The following HECW1 variants were observed in gnomAD, a reference collection of about 807,000 sequenced individuals.
HECW1 encodes HECT, C2 and WW domain containing E3 ubiquitin protein ligase 1.
In HECW1, 61 loss-of-function variants were observed where a neutral mutation model predicts 182.3. That is an observed-to-expected ratio of 0.33 (90% CI 0.27 to 0.41). The LOEUF (loss-of-function observed/expected upper bound fraction) is 0.41, where lower values mean the gene tolerates loss of function less well. HECW1 is among the 10% of genes least tolerant of loss of function. HECW1 has a pLI of 1.00. For missense variants in HECW1, 1,739 were observed against 2,108.9 expected (o/e 0.82, Z 3.44); for synonymous variants, 859 against 832.6 (o/e 1.03, Z -0.55).
intron 24 of HECW1, among the ~76,000 whole-genome samples, chr7:43,519,742 T>A (rs2080363841): frequency 6.6e-6 from 1 of 151,990 alleles, no homozygotes; most frequent in Non-Finnish European, 1.5e-5. Context: ...CCTTACCAGG[T>A]GATAGAGAAA....
rs1410676837 is a variant in HECW1 at position 43,114,043 on chromosome 7, T to C, written c.-266-114T>C. 3 of 405,002 alleles carry C rather than the reference T, an allele frequency of 7.4e-6. No homozygotes were observed. The Admixed American group carries it at 1.2e-4, about 16-fold the overall frequency. 25.1% of individuals were successfully genotyped at this position (405,002 alleles called of 1,614,324 possible). ...TGACACCAGAGAGCATGTGGGGATT[T>C]TCCTAGTTGCCGAAGAAGATATTAT... On this transcript the variant is annotated intron_variant, in intron 1 of 29. Transcript: ENST00000395891.
chr7:43,503,097 G>A (rs2079432296), intron 21 of HECW1, among the ~76,000 whole-genome samples: 1 of 152,164 alleles, frequency 6.6e-6, no homozygotes, highest in Non-Finnish European at 1.5e-5. Flanking sequence ...ATGTTTTCAA[G>A]ATAGTATCTC....
At chr7:43,414,348 A>AT (rs1160558739) in intron 8 of HECW1, among the ~76,000 whole-genome samples, 3 of 136,006 alleles carry the variant, frequency 2.2e-5, no homozygotes, top group Non-Finnish European at 4.7e-5. Flanking sequence ...GCTTAAGGAG[A>AT]TTTTGGGCTG....
At chr7:43,218,956 G>C (rs1316453509) in intron 2 of HECW1, among the ~76,000 whole-genome samples, 4 of 152,200 alleles carry the variant, frequency 2.6e-5, no homozygotes, top group Admixed American at 2.6e-4. Context: ...GGAGCCAAGA[G>C]AGGGAACTCA....
At chr7:43,327,835 G>A (rs116709805) in intron 5 of HECW1, among the ~76,000 whole-genome samples, 2,266 of 152,186 alleles carry the variant, frequency 0.015, 53 homozygotes, top group African/African-American at 0.049. Flanking sequence ...TATGCATCCT[G>A]TGTGCTAATG....
At chr7:43,516,639 A>G (rs2152934529) in intron 24 of HECW1, among the ~76,000 whole-genome samples, 1 of 152,334 alleles carries the variant, frequency 6.6e-6, no homozygotes, top group Middle Eastern at 3.4e-3. Context: ...CCTAGGAAGA[A>G]TACCAGCGCC....
chr7:43,146,266 T>C (rs999601496), intron 2 of HECW1, among the ~76,000 whole-genome samples: 11 of 152,318 alleles, frequency 7.2e-5, no homozygotes, highest in Middle Eastern at 6.8e-3. Context: ...GGCTGCCCTT[T>C]GCTTTGTAGG....
chr7:43,249,908 C>G (rs541576135), intron 3 of HECW1, among the ~76,000 whole-genome samples: 9 of 152,256 alleles, frequency 5.9e-5, no homozygotes, highest in African/African-American at 1.9e-4. Context: ...GAGAACACGG[C>G]TTTGCAAATG....
At chr7:43,198,946 A>T (rs1794784444) in intron 2 of HECW1, among the ~76,000 whole-genome samples, 1 of 152,246 alleles carries the variant, frequency 6.6e-6, no homozygotes, top group Admixed American at 6.5e-5. Flanking sequence ...GAAGGCTCTC[A>T]CAGCATGCTT....
intron 24 of HECW1, among the ~76,000 whole-genome samples, chr7:43,518,756 TA>T (rs1428371779): frequency 6.6e-6 from 1 of 152,064 alleles, no homozygotes; most frequent in East Asian, 1.9e-4. Flanking sequence ...ATAAACCCAT[TA>T]AAAAATGTCA....
At chr7:43,466,323 G>A (rs1269183571) in intron 14 of HECW1, 124 bp from the exon 15 acceptor site, 17 of 927,546 alleles carry the variant, frequency 1.8e-5, no homozygotes, top group Non-Finnish European at 2.8e-5. Flanking sequence ...ATGACACTTG[G>A]CCTAAATCCA....
At chr7:43,553,783 C>T (rs1455947213) in intron 28 of HECW1, among the ~76,000 whole-genome samples, 2 of 151,918 alleles carry the variant, frequency 1.3e-5, no homozygotes, top group South Asian at 2.1e-4. Flanking sequence ...CTTACTGTTG[C>T]CTGCATATTT....
In HECW1 at chr7:43,112,910, G is replaced by A. The variant is rs1784729521; in HGVS notation, c.-294G>A. The A allele has an allele frequency of 9.1e-6, 2 of 218,948 alleles. No individual in the cohort carries two copies. Among genetic ancestry groups the A allele is most frequent in the South Asian group, 3.7e-4 (2 of 5,416 alleles). The allele number at this position is 218,948 out of a possible 1,614,324, so 13.6% of individuals were successfully genotyped here. On this transcript the variant is annotated 5_prime_UTR_variant, in exon 1 of 30. It removes an upstream start codon present in the reference 5' UTR. Coordinates refer to ENST00000395891, the MANE Select transcript of HECW1 (RefSeq NM_015052.5). ...CTAATCTGCGCGCTGACAGGAGCATGATCTGTGCCCAGGCCAGGGCTGCCA... is the reference window on the plus strand; with the variant it reads ...CTAATCTGCGCGCTGACAGGAGCATAATCTGTGCCCAGGCCAGGGCTGCCA...
At position 43,290,841 on chromosome 7, in the gene HECW1, G is replaced by A. The variant is rs909761814; in HGVS notation, c.28-20922G>A. 2.6e-5 allele frequency among the ~76,000 whole-genome samples: 4 copies of A among 152,248 alleles called. No homozygotes were observed. In the East Asian group the frequency reaches 5.8e-4, roughly 22 times the overall value. ...ATCCAAGCCAGCTGTTGTCATGGTG[G>A]AGACCTAAGAGCCATGGTGGAACGA... On this transcript the variant is annotated intron_variant, in intron 3 of 29. Coordinates refer to ENST00000395891, the MANE Select transcript of HECW1 (RefSeq NM_015052.5).
intron 8 of HECW1, among the ~76,000 whole-genome samples, chr7:43,407,944 C>T (rs905967556): frequency 6.6e-6 from 1 of 152,192 alleles, no homozygotes; most frequent in African/African-American, 2.4e-5. Flanking sequence ...CTTTTCATTG[C>T]ACTGCATGCA....
intron 26 of HECW1, among the ~76,000 whole-genome samples, chr7:43,545,501 G>A (rs2081524429): frequency 6.6e-6 from 1 of 152,148 alleles, no homozygotes; most frequent in South Asian, 2.1e-4. Flanking sequence ...AGGTTAGGGC[G>A]CTGAGTCCTG....
At chr7:43,318,401 T>C (rs1809611087) in intron 4 of HECW1, among the ~76,000 whole-genome samples, 1 of 152,220 alleles carries the variant, frequency 6.6e-6, no homozygotes, top group South Asian at 2.1e-4. Context: ...GCACACACTG[T>C]GAATAAAAAG....
chr7:43,248,044 G>A (rs1355118669), intron 3 of HECW1, among the ~76,000 whole-genome samples: 7 of 145,404 alleles, frequency 4.8e-5, no homozygotes, highest in Non-Finnish European at 1.1e-4. Flanking sequence ...AGGGAGGGAG[G>A]GAGAGAGGAA....
At chr7:43,507,306 T>A (rs765988479) in intron 22 of HECW1, 49 bp downstream of exon 22, 1 of 1,583,250 alleles carries the variant, frequency 6.3e-7, no homozygotes, top group East Asian at 2.3e-5. Flanking sequence ...GATTTTTCAA[T>A]CCCTTTCTCC....
Sources: allele counts gnomAD v4.1 joint callset (sites outside exome capture counted in the v4.1 genomes callset), GRCh38; gene constraint gnomAD v4.1.1; transcripts MANE v1.5; gene names NCBI Gene and HGNC (gene_info 2026-07-23, HGNC 2026-07-21).